CCDC192: variants seen among roughly 807,000 people sequenced by gnomAD.
The protein encoded by CCDC192 is coiled-coil domain containing 192.
intron 6 of CCDC192, among the ~76,000 whole-genome samples, chr5:127,932,536 G>A (rs1011090055): frequency 1.3e-5 from 2 of 152,074 alleles, no homozygotes; most frequent in Admixed American, 6.5e-5. Flanking sequence ...AGTAGTGAAA[G>A]CATTATTTGA....
intron 5 of CCDC192, among the ~76,000 whole-genome samples, chr5:127,870,100 T>G (rs1471340097): frequency 2.6e-5 from 4 of 152,164 alleles, no homozygotes; most frequent in African/African-American, 9.7e-5. Flanking sequence ...TTCGAGGCAT[T>G]TGTAAGAAAG....
intron 5 of CCDC192, among the ~76,000 whole-genome samples, chr5:127,869,051 G>A (rs1472766117): frequency 7.9e-5 from 12 of 152,110 alleles, no homozygotes; most frequent in African/African-American, 1.4e-4. Flanking sequence ...GGCCGGGCAC[G>A]CTGGCTCATG....
chr5:127,781,365 A>G (rs577482380), intron 3 of CCDC192, among the ~76,000 whole-genome samples: 3 of 152,304 alleles, frequency 2.0e-5, no homozygotes, highest in South Asian at 4.1e-4. Context: ...AATTCTGTGA[A>G]GAATGATGGT....
intron 5 of CCDC192, among the ~76,000 whole-genome samples, chr5:127,824,054 C>A (rs1580713488): frequency 6.6e-6 from 1 of 152,106 alleles, no homozygotes; most frequent in Admixed American, 6.6e-5. Flanking sequence ...GAAATGAGAG[C>A]AAACTAATGA....
At chr5:127,930,167 G>A (rs1753980103) in intron 6 of CCDC192, among the ~76,000 whole-genome samples, 1 of 152,182 alleles carries the variant, frequency 6.6e-6, no homozygotes, top group Admixed American at 6.5e-5. Flanking sequence ...TGTGCCACTT[G>A]CACTTCAGCC....
At chr5:127,851,015 C>G (rs1750772940) in intron 5 of CCDC192, among the ~76,000 whole-genome samples, 1 of 152,070 alleles carries the variant, frequency 6.6e-6, no homozygotes, top group African/African-American at 2.4e-5. Context: ...GCAGAGGTTG[C>G]AGAAGCAACA....
intron 2 of CCDC192, among the ~76,000 whole-genome samples, chr5:127,726,251 C>T (rs1376667933): frequency 1.3e-5 from 2 of 152,052 alleles, no homozygotes; most frequent in Non-Finnish European, 2.9e-5. Context: ...ACAGATAGAA[C>T]TGCTCAAAAA....
intron 5 of CCDC192, among the ~76,000 whole-genome samples, chr5:127,805,536 C>T (rs1463317983): frequency 6.6e-6 from 1 of 152,128 alleles, no homozygotes; most frequent in Non-Finnish European, 1.5e-5. Context: ...AGACTCAGAC[C>T]ACATGGCAGA....
At chr5:127,786,272 A>G in intron 3 of CCDC192, 1 of 652,566 alleles carries the variant, frequency 1.5e-6, no homozygotes, top group Non-Finnish European at 2.8e-6. Flanking sequence ...TTATTCATAT[A>G]TTCAGTAACT....
Position 127,834,548 on chromosome 5 carries a change from T to C in CCDC192, c.411+36386T>C, listed in dbSNP as rs562799185. On this transcript the variant is annotated intron_variant, in intron 5 of 6. Transcript: ENST00000514853. ...TCAATTATAGTGCTTAGACAAACTTTAGAAGACATACAAATGTGTTTTATA... is the reference window on the plus strand; with the variant it reads ...TCAATTATAGTGCTTAGACAAACTTCAGAAGACATACAAATGTGTTTTATA... 2.0e-5 allele frequency among the ~76,000 whole-genome samples: 3 copies of C among 152,330 alleles called. No homozygotes were observed. The South Asian group carries it at 6.2e-4, about 32-fold the overall frequency.
chr5:127,715,520 C>T (rs537312566), intron 2 of CCDC192, among the ~76,000 whole-genome samples: 1 of 152,156 alleles, frequency 6.6e-6, no homozygotes, highest in South Asian at 2.1e-4. Context: ...AGGTAGTGTG[C>T]CTCTAGCTTG....
chr5:127,727,630 C>T (rs1437645028), intron 2 of CCDC192, among the ~76,000 whole-genome samples: 1 of 152,184 alleles, frequency 6.6e-6, no homozygotes, highest in Non-Finnish European at 1.5e-5. Context: ...CAGAGTGCCT[C>T]TTCTGCTCCA....
At chr5:127,911,795 C>G (rs150287479) in intron 6 of CCDC192, among the ~76,000 whole-genome samples, 1 of 148,218 alleles carries the variant, frequency 6.7e-6, no homozygotes, top group Non-Finnish European at 1.5e-5. Context: ...CAGCCTTGAA[C>G]TTCTGGGCTC....
At chr5:127,795,189 C>T (rs7729470) in intron 3 of CCDC192, among the ~76,000 whole-genome samples, 23,956 of 149,976 alleles carry the variant, frequency 0.16, 4,241 homozygotes, top group African/African-American at 0.43. Flanking sequence ...ACTCAGGAGA[C>T]TGAGGTGGGA....
chr5:127,735,031 G>T (rs1470584415), intron 2 of CCDC192, among the ~76,000 whole-genome samples: 1 of 134,374 alleles, frequency 7.4e-6, no homozygotes, highest in African/African-American at 3.0e-5. Flanking sequence ...GTAATGCCTA[G>T]GTTTTCTTCT....
At chr5:127,851,642 G>A (rs1323214894) in intron 5 of CCDC192, among the ~76,000 whole-genome samples, 3 of 152,186 alleles carry the variant, frequency 2.0e-5, no homozygotes, top group Non-Finnish European at 4.4e-5. Flanking sequence ...ATTTTTAGTA[G>A]AGACAGGATT....
chr5:127,752,062 G>A (rs1004691531), intron 2 of CCDC192, among the ~76,000 whole-genome samples: 43 of 152,096 alleles, frequency 2.8e-4, no homozygotes, highest in East Asian at 1.9e-3. Flanking sequence ...TGGTTTGAAC[G>A]TCCTCCCGTA....
intron 6 of CCDC192, among the ~76,000 whole-genome samples, chr5:127,933,587 T>C (rs1754109975): frequency 6.6e-6 from 1 of 152,218 alleles, no homozygotes; most frequent in Non-Finnish European, 1.5e-5. Flanking sequence ...ATTCTACGTG[T>C]TCACTAAACC....
At chr5:127,812,609 A>G (rs1325853868) in intron 5 of CCDC192, among the ~76,000 whole-genome samples, 4 of 152,220 alleles carry the variant, frequency 2.6e-5, no homozygotes, top group Non-Finnish European at 5.9e-5. Flanking sequence ...TGTCTTCAAA[A>G]AAAATACATG....
Sources: gnomAD v4.1 joint callset for allele counts (sites outside exome capture counted in the v4.1 genomes callset) on GRCh38, gnomAD v4.1.1 for gene constraint, MANE v1.5 for transcripts, NCBI Gene and HGNC (gene_info 2026-07-23, HGNC 2026-07-21) for gene names.